Variants in ZNF423 observed in about 807,000 individuals in gnomAD.
ZNF423 encodes the protein Ebf-associated zinc finger protein.
Under a neutral mutation model 95.8 loss-of-function variants are expected in ZNF423, and 12 were observed. The observed-to-expected ratio is 0.13, with a 90% CI of 0.08 to 0.20. The LOEUF is 0.20. Among genes scored for constraint, ZNF423 ranks in the 10% least tolerant of loss-of-function variants. The pLI, the probability that ZNF423 is intolerant of heterozygous loss-of-function variation, is 1.00. For missense variants in ZNF423, 1,316 were observed against 1,737.1 expected (o/e 0.76, Z 4.31); for synonymous variants, 749 against 711.9 (o/e 1.05, Z -0.83).
At chr16:49,518,651 T>C (rs2151696469) in intron 7 of ZNF423, 1 of 394,942 alleles carries the variant, frequency 2.5e-6, no homozygotes, top group East Asian at 7.2e-5. Context: ...TGACAACTAC[T>C]GGTCTGTTTT....
intron 1 of ZNF423, among the ~76,000 whole-genome samples, chr16:49,843,588 G>GA (rs1463735497): frequency 1.3e-5 from 2 of 152,128 alleles, no homozygotes; most frequent in African/African-American, 4.8e-5. Flanking sequence ...GGAAAACATA[G>GA]AAAACTAGGA....
rs1971440723 is a variant in ZNF423, at chr16:49,603,476, C to G, written c.3601+22694G>C. Among the ~76,000 whole-genome samples the G allele has an allele frequency of 6.6e-6, 1 of 152,086 alleles. No individual in the cohort carries two copies. Among genetic ancestry groups the G allele is most frequent in the African/African-American group, 2.4e-5 (1 of 41,416 alleles). On this transcript the variant is annotated intron_variant, in intron 5 of 7. Coordinates refer to ENST00000563137, the MANE Select transcript of ZNF423 (RefSeq NM_001379286.1). The surrounding 1 kb of genome is among the most constrained non-coding windows in gnomAD (Gnocchi z 4.1). ...CCCGGCTGGAGTGCAGTGGTGTGAT[C>G]TCAGCTTGCTGCGACCTCCGCCTCC... is the stretch of plus-strand genomic sequence containing the variant.
chr16:49,736,356 G>A (rs933048957), intron 2 of ZNF423, among the ~76,000 whole-genome samples: 1 of 152,142 alleles, frequency 6.6e-6, no homozygotes. Flanking sequence ...GCAGCCAGGA[G>A]GAAGAGGGTA....
intron 2 of ZNF423, among the ~76,000 whole-genome samples, chr16:49,739,662 T>C (rs1018823153): frequency 6.6e-6 from 1 of 150,968 alleles, no homozygotes; most frequent in Non-Finnish European, 1.5e-5. Flanking sequence ...GTCTTTACCC[T>C]GGAGCAACAC....
chr16:49,697,583 A>T (rs1448692824), intron 3 of ZNF423, among the ~76,000 whole-genome samples: 1 of 151,802 alleles, frequency 6.6e-6, no homozygotes, highest in Non-Finnish European at 1.5e-5. Context: ...ATTTCAAAAG[A>T]CTCTAGGGAA....
chr16:49,536,242 G>C (rs1969051174), intron 5 of ZNF423, among the ~76,000 whole-genome samples: 1 of 152,124 alleles, frequency 6.6e-6, no homozygotes, highest in Non-Finnish European at 1.5e-5. Context: ...AGTTCAGCTT[G>C]GAAACTGGAA....
At chr16:49,783,898 A>G (rs1378635148) in intron 2 of ZNF423, among the ~76,000 whole-genome samples, 1 of 149,510 alleles carries the variant, frequency 6.7e-6, no homozygotes, top group Admixed American at 6.7e-5. Context: ...TGAACCTGGG[A>G]GGTGGAGGTT....
intron 5 of ZNF423, among the ~76,000 whole-genome samples, chr16:49,576,278 G>GCA (rs1970497482): frequency 6.6e-6 from 1 of 152,186 alleles, no homozygotes; most frequent in African/African-American, 2.4e-5. Context: ...CTGTGCTCAG[G>GCA]CAGCTGACTG....
intron 5 of ZNF423, among the ~76,000 whole-genome samples, chr16:49,621,861 T>A (rs1165746483): frequency 6.6e-6 from 1 of 152,232 alleles, no homozygotes; most frequent in East Asian, 1.9e-4. Flanking sequence ...ACAAGCCACA[T>A]CTAAGTTCCA....
At chr16:49,632,106 G>A (rs1050204565) in intron 4 of ZNF423, among the ~76,000 whole-genome samples, 1 of 152,136 alleles carries the variant, frequency 6.6e-6, no homozygotes, top group Admixed American at 6.5e-5. Context: ...GGCACCGTGG[G>A]GATCTGCAGG....
intron 3 of ZNF423, among the ~76,000 whole-genome samples, chr16:49,718,289 C>T (rs576545082): frequency 6.6e-6 from 1 of 152,156 alleles, no homozygotes; most frequent in East Asian, 1.9e-4. Flanking sequence ...TGTGGTAATC[C>T]CAGCTACTCA....
rs939900645 is a variant in ZNF423 at position 49,490,387 on chromosome 16, G to A, written c.*888C>T. On this transcript the variant is annotated 3_prime_UTR_variant, in exon 8 of 8. Transcript: ENST00000563137. ...GAAGATCAGGGTATTCCATCATTAA[G>A]GGGTCTTCTGCTTTGACTCCTGTGG... 1 of 152,254 alleles carries A rather than the reference G, an allele frequency of 6.6e-6. No homozygotes were observed. Among genetic ancestry groups the A allele is most frequent in the Non-Finnish European group, 1.5e-5 (1 of 68,080 alleles). 9.4% of individuals were successfully genotyped at this position (152,254 alleles called of 1,614,324 possible). A position where few individuals can be genotyped will look rare whatever the true frequency, so the allele number is the denominator to read the frequency against.
intron 2 of ZNF423, among the ~76,000 whole-genome samples, chr16:49,756,300 G>C (rs758890873): frequency 6.6e-6 from 1 of 152,204 alleles, no homozygotes; most frequent in Non-Finnish European, 1.5e-5. Flanking sequence ...CTATCTTAAT[G>C]ACAGCTCTCT....
intron 5 of ZNF423, among the ~76,000 whole-genome samples, chr16:49,619,715 G>T (rs148974519): frequency 6.6e-6 from 1 of 152,224 alleles, no homozygotes; most frequent in Non-Finnish European, 1.5e-5. Flanking sequence ...ACATATTAAG[G>T]TTAGACAGAT....
intron 2 of ZNF423, among the ~76,000 whole-genome samples, chr16:49,739,696 G>GTTTTT (rs10574656): frequency 1.9e-5 from 1 of 52,592 alleles, no homozygotes. Flanking sequence ...TTTTTGTTTG[G>GTTTTT]TTTTTTTTTT....
chr16:49,732,641 AG>A lies in ZNF423; in HGVS notation c.101-1671del, dbSNP rs1476534537. Among the ~76,000 whole-genome samples, 9 of 152,370 alleles carry A rather than the reference AG, an allele frequency of 5.9e-5. No individual in the cohort carries two copies. In the East Asian group the frequency reaches 1.5e-3, roughly 26 times the overall value. On this transcript the variant is annotated intron_variant, in intron 2 of 7. Transcript: ENST00000563137. Reference sequence around the variant, plus strand: ...TCAGTGCACAACCTGCAAACCCCTGAGGGCGGGCGCCAAAGCAAGAAAGACA... The same window carrying A: ...TCAGTGCACAACCTGCAAACCCCTGAGGCGGGCGCCAAAGCAAGAAAGACA...
chr16:49,803,746 T>C (rs1277075819), intron 1 of ZNF423, among the ~76,000 whole-genome samples: 1 of 151,638 alleles, frequency 6.6e-6, no homozygotes, highest in Non-Finnish European at 1.5e-5. Flanking sequence ...ATGCTGGAGG[T>C]TGCTAAATGC....
chr16:49,669,768 G>A (rs926097405), intron 3 of ZNF423, among the ~76,000 whole-genome samples: 4 of 151,316 alleles, frequency 2.6e-5, no homozygotes, highest in South Asian at 2.1e-4. Flanking sequence ...CTGGGAAATC[G>A]GGCCCTAGCC....
Position 49,840,391 on chromosome 16 carries a change from T to C in ZNF423, c.40+15344A>G, listed in dbSNP as rs182250379. On this transcript the variant is annotated intron_variant, in intron 1 of 7. Coordinates refer to ENST00000563137, the MANE Select transcript of ZNF423 (RefSeq NM_001379286.1). The stretch of plus-strand genomic sequence containing the variant: ...ACATTTTGGGAAATGCCAATATAAA[T>C]TTATTTCCCATCCTCACAACCACAA... Among the ~76,000 whole-genome samples the C allele has an allele frequency of 3.2e-4, 49 of 152,310 alleles. No homozygotes were observed. In the East Asian group the frequency reaches 7.7e-3, roughly 24 times the overall value.
Sources: allele counts gnomAD v4.1 joint callset (sites outside exome capture counted in the v4.1 genomes callset), GRCh38; gene constraint gnomAD v4.1.1; non-coding constraint Gnocchi (gnomAD v3.1); transcripts MANE v1.5; gene names NCBI Gene and HGNC (gene_info 2026-07-23, HGNC 2026-07-21).